CYP27A1: variants seen among roughly 807,000 people sequenced by gnomAD.
CYP27A1 encodes the protein cytochrome P450 family 27 subfamily A member 1, also known as sterol 26-hydroxylase, mitochondrial.
A neutral mutation model predicts 58.2 loss-of-function variants in CYP27A1; 46 were observed. The ratio of observed to expected loss-of-function variants is 0.79; its 90% confidence interval spans 0.62 to 1.01. The LOEUF (loss-of-function observed/expected upper bound fraction) is 1.01, where lower values mean the gene tolerates loss of function less well. CYP27A1 is among the 50% of genes least tolerant of loss of function. The pLI is 0.00. For missense variants in CYP27A1, 704 were observed against 687.0 expected, an observed-to-expected ratio of 1.02 and a Z score of -0.28; for synonymous variants, 274 against 285.1, an observed-to-expected ratio of 0.96 and a Z score of 0.39.
chr2:218,783,546 G>A (rs1004126865), intron 1 of CYP27A1, among the ~76,000 whole-genome samples: 1 of 152,182 alleles, frequency 6.6e-6, no homozygotes, highest in African/African-American at 2.4e-5. Flanking sequence ...TTCTAGGCAT[G>A]GTTCCAAGTA....
intron 1 of CYP27A1, among the ~76,000 whole-genome samples, chr2:218,785,411 T>A (rs1943432425): frequency 6.6e-6 from 1 of 152,038 alleles, no homozygotes; most frequent in African/African-American, 2.4e-5. Context: ...TTGTTGGGGA[T>A]CCCTGCTTTA....
In CYP27A1 at chr2:218,814,981, T is replaced by A. The variant is rs1415177344; in HGVS notation, c.1547T>A (p.Leu516Gln). 1.2e-6 allele frequency: 2 copies of A among 1,614,212 alleles called. No homozygotes were observed. The highest frequency in any genetic ancestry group is 8.5e-7 in the Non-Finnish European group (1 of 1,180,024). Reference sequence around the variant, plus strand: ...TTGAAGAGTGTGGCCCGCATTGTCCTGGTTCCCAATAAGAAAGTGGGCCTG... The same window carrying A: ...TTGAAGAGTGTGGCCCGCATTGTCCAGGTTCCCAATAAGAAAGTGGGCCTG... ...GELKSVARIV[L>Q]VPNKKVGLQF... Residue 516 changes from leucine to glutamine, a missense_variant, in exon 9 of 9, where the codon CTG becomes CAG. By Grantham distance (113) the Leu-to-Gln change is moderately radical. Coordinates refer to ENST00000258415, the MANE Select transcript of CYP27A1 (RefSeq NM_000784.4).
At position 218,782,912 on chromosome 2, in the gene CYP27A1, C is replaced by T. The variant is rs1173431605; in HGVS notation, c.255+475C>T. Among the ~76,000 whole-genome samples, 1 of 152,078 alleles carries T rather than the reference C, an allele frequency of 6.6e-6. No individual in the cohort carries two copies. Among genetic ancestry groups the T allele is most frequent in the Non-Finnish European group, 1.5e-5 (1 of 68,018 alleles). On this transcript the variant is annotated intron_variant, in intron 1 of 8. Transcript: ENST00000258415. This position sits in a 1 kb window ranked among gnomAD's most constrained non-coding sequence, Gnocchi z 4.1. ...GAAAACACAATGCTGCATCTCAGAT[C>T]GTGGAAGCAAACTCACAGACAGTAA...
chr2:218,784,575 G>GA (rs1943425281), intron 1 of CYP27A1, among the ~76,000 whole-genome samples: 1 of 152,204 alleles, frequency 6.6e-6, no homozygotes, highest in South Asian at 2.1e-4. Context: ...GAAAGGAAAT[G>GA]AAAATGAGAC....
chr2:218,813,210 C>T lies in CYP27A1; in HGVS notation c.1017+114C>T, dbSNP rs1488406121. Reference sequence around the variant, plus strand: ...TCCCTCCAAGGACCTGCTTCTTTTTCTGTAACATGGATACAGCCCTAGAAG... The same window carrying T: ...TCCCTCCAAGGACCTGCTTCTTTTTTTGTAACATGGATACAGCCCTAGAAG... On this transcript the variant is annotated intron_variant, in intron 5 of 8. Coordinates refer to ENST00000258415, the MANE Select transcript of CYP27A1 (RefSeq NM_000784.4). 3.1e-6 allele frequency: 3 copies of T among 977,614 alleles called. No individual in the cohort carries two copies. The African/African-American group carries it at 4.9e-5, about 16-fold the overall frequency. 60.6% of individuals were successfully genotyped at this position (977,614 alleles called of 1,614,324 possible).
chr2:218,784,990 G>T (rs937663271), intron 1 of CYP27A1, among the ~76,000 whole-genome samples: 3 of 152,120 alleles, frequency 2.0e-5, no homozygotes, highest in Admixed American at 6.5e-5. Flanking sequence ...TGATTCAAGT[G>T]CATTACATTT....
At chr2:218,811,318 AATATAC>A (rs1468243297) in intron 2 of CYP27A1, among the ~76,000 whole-genome samples, 1 of 152,166 alleles carries the variant, frequency 6.6e-6, no homozygotes, top group Non-Finnish European at 1.5e-5. Flanking sequence ...GGAGCATGCA[AATATAC>A]ATGTGGATAG....
chr2:218,791,141 A>G (rs1943489096), intron 1 of CYP27A1, among the ~76,000 whole-genome samples: 1 of 152,204 alleles, frequency 6.6e-6, no homozygotes, highest in Non-Finnish European at 1.5e-5. Flanking sequence ...CAGCTGAGGG[A>G]TAAATTTCCA....
At position 218,782,173 on chromosome 2, in the gene CYP27A1, A is replaced by G; in HGVS notation, c.-10A>G. ...CTCGACCCAAAGGTGCAGGCGCGCG[A>G]GCACAACCCATGGCTGCGCTGGGCT... On this transcript the variant is annotated 5_prime_UTR_variant, in exon 1 of 9. Transcript: ENST00000258415. This position sits in a 1 kb window ranked among gnomAD's most constrained non-coding sequence, Gnocchi z 4.1. 1 of 1,534,996 alleles carries G rather than the reference A, an allele frequency of 6.5e-7. No homozygotes were observed. Among genetic ancestry groups the G allele is most frequent in the Non-Finnish European group, 8.7e-7 (1 of 1,146,052 alleles).
At chr2:218,788,447 G>T (rs1943459887) in intron 1 of CYP27A1, among the ~76,000 whole-genome samples, 1 of 152,168 alleles carries the variant, frequency 6.6e-6, no homozygotes. Context: ...AGAGCCCACT[G>T]AGATCCTGGA....
At chr2:218,802,851 G>A (rs1480902114) in intron 1 of CYP27A1, among the ~76,000 whole-genome samples, 1 of 152,084 alleles carries the variant, frequency 6.6e-6, no homozygotes, top group African/African-American at 2.4e-5. Flanking sequence ...TTTCCTTAAT[G>A]ACAAATGATG....
At chr2:218,801,638 G>A (rs567901103) in intron 1 of CYP27A1, among the ~76,000 whole-genome samples, 387 of 152,034 alleles carry the variant, frequency 2.5e-3, no homozygotes, top group African/African-American at 9.0e-3. Context: ...GTTGAAAGTG[G>A]TATATCTTCA....
At chr2:218,801,897 G>T (rs942752371) in intron 1 of CYP27A1, among the ~76,000 whole-genome samples, 1 of 151,810 alleles carries the variant, frequency 6.6e-6, no homozygotes. Context: ...CCTGACCAAG[G>T]GGTCACATGA....
At chr2:218,813,435 G>T (rs374689680) in intron 5 of CYP27A1, among the ~76,000 whole-genome samples, 35 of 151,694 alleles carry the variant, frequency 2.3e-4, no homozygotes, top group Non-Finnish European at 4.6e-4. Context: ...TTTCTTTTTT[G>T]TTTTTTTTAA....
intron 1 of CYP27A1, among the ~76,000 whole-genome samples, chr2:218,805,513 A>G (rs1943642417): frequency 6.6e-6 from 1 of 152,254 alleles, no homozygotes; most frequent in African/African-American, 2.4e-5. Context: ...GTTTAGGAAC[A>G]TATGTAATCA....
chr2:218,810,529 A>G (rs780570873), intron 2 of CYP27A1, among the ~76,000 whole-genome samples: 1 of 152,202 alleles, frequency 6.6e-6, no homozygotes, highest in African/African-American at 2.4e-5. Flanking sequence ...TGACTGGGGA[A>G]AAAAAGCTAT....
At chr2:218,801,111 A>G (rs1181678838) in intron 1 of CYP27A1, among the ~76,000 whole-genome samples, 1 of 152,232 alleles carries the variant, frequency 6.6e-6, no homozygotes, top group African/African-American at 2.4e-5. Context: ...ATTGTGATAA[A>G]GGATTTTGTT....
At chr2:218,806,826 T>C (rs1943656205) in intron 1 of CYP27A1, among the ~76,000 whole-genome samples, 1 of 152,150 alleles carries the variant, frequency 6.6e-6, no homozygotes, top group Non-Finnish European at 1.5e-5. Context: ...TGAGCTAATA[T>C]AAGTAAAATT....
At chr2:218,810,344 G>T (rs6709815) in intron 2 of CYP27A1, among the ~76,000 whole-genome samples, 71,038 of 152,004 alleles carry the variant, frequency 0.47, 17,152 homozygotes, top group Non-Finnish European at 0.52. Flanking sequence ...TTAGGTTGCA[G>T]GTTTTCACTG....
Sources: allele counts gnomAD v4.1 joint callset (sites outside exome capture counted in the v4.1 genomes callset), GRCh38; gene constraint gnomAD v4.1.1; non-coding constraint Gnocchi (gnomAD v3.1); transcripts MANE v1.5; gene names NCBI Gene and HGNC (gene_info 2026-07-23, HGNC 2026-07-21).